The following ADGRL2 variants were observed in gnomAD, a reference collection of about 807,000 sequenced individuals.
ADGRL2 encodes the protein calcium-independent alpha-latrotoxin receptor 2.
A neutral mutation model predicts 157.4 loss-of-function variants in ADGRL2; 44 were observed. The ratio of observed to expected loss-of-function variants is 0.28; its 90% CI spans 0.22 to 0.36. The LOEUF (loss-of-function observed/expected upper bound fraction) is 0.36. ADGRL2 is among the 10% of genes least tolerant of loss of function. The pLI, the probability that ADGRL2 is intolerant of heterozygous loss-of-function variation, is 1.00. For synonymous variants in ADGRL2, 585 were observed against 624.7 expected (o/e 0.94, Z 0.95); for missense variants, 1,510 against 1,768.9 (o/e 0.85, Z 2.63).
At chr1:81,901,832 T>C (rs1311789944) in intron 2 of ADGRL2, among the ~76,000 whole-genome samples, 5 of 152,110 alleles carry the variant, frequency 3.3e-5, no homozygotes, top group African/African-American at 1.2e-4. Context: ...TTCAGGAAAA[T>C]AGTGTAAAAT....
chr1:81,753,395 G>C (rs1322746099), intron 1 of ADGRL2, among the ~76,000 whole-genome samples: 1 of 152,098 alleles, frequency 6.6e-6, no homozygotes, highest in Non-Finnish European at 1.5e-5. Context: ...CCATGATTCA[G>C]TCATCTCCCA....
At chr1:81,388,668 T>A (rs1465841181) in intron 1 of ADGRL2, among the ~76,000 whole-genome samples, 1 of 152,018 alleles carries the variant, frequency 6.6e-6, no homozygotes, top group Non-Finnish European at 1.5e-5. Flanking sequence ...CAGATAGGAG[T>A]AAACGTGTAT....
At chr1:81,888,048 A>G (rs568765406) in intron 2 of ADGRL2, among the ~76,000 whole-genome samples, 1 of 152,292 alleles carries the variant, frequency 6.6e-6, no homozygotes, top group African/African-American at 2.4e-5. Context: ...ATCTTAAAAG[A>G]CCAGGGAAAG....
At chr1:81,477,557 A>C (rs753651039) in intron 2 of ADGRL2, among the ~76,000 whole-genome samples, 10 of 152,214 alleles carry the variant, frequency 6.6e-5, no homozygotes, top group Non-Finnish European at 1.2e-4. Context: ...TTGGATAATG[A>C]GAAAATGTAG....
intron 1 of ADGRL2, chr1:81,306,552 C>G (rs898399625): frequency 2.0e-5 from 3 of 152,116 alleles, no homozygotes; most frequent in Admixed American, 6.6e-5. Flanking sequence ...AATGCCTCCA[C>G]TGTCTGCTCA....
intron 2 of ADGRL2, among the ~76,000 whole-genome samples, chr1:81,837,538 G>A (rs1160358494): frequency 1.3e-5 from 2 of 151,750 alleles, no homozygotes; most frequent in Non-Finnish European, 2.9e-5. Flanking sequence ...GTATATGTGT[G>A]TGTATATGTA....
At chr1:81,455,392 G>T (rs2077783419) in intron 2 of ADGRL2, among the ~76,000 whole-genome samples, 1 of 152,164 alleles carries the variant, frequency 6.6e-6, no homozygotes, top group South Asian at 2.1e-4. Context: ...CTCCAACATT[G>T]TGCTGTGTGG....
intron 2 of ADGRL2, among the ~76,000 whole-genome samples, chr1:81,534,818 G>A (rs950853393): frequency 6.6e-5 from 10 of 152,300 alleles, no homozygotes; most frequent in African/African-American, 2.4e-4. Flanking sequence ...CTATTTGGTG[G>A]CTGGTAAGAA....
intron 2 of ADGRL2, among the ~76,000 whole-genome samples, chr1:81,449,324 G>A (rs1034388038): frequency 7.9e-5 from 12 of 152,218 alleles, no homozygotes; most frequent in Non-Finnish European, 1.8e-4. Flanking sequence ...TCCAGGGTCT[G>A]TGTAATAGGC....
intron 2 of ADGRL2, among the ~76,000 whole-genome samples, chr1:81,785,932 C>T (rs546083338): frequency 1.3e-4 from 19 of 151,754 alleles, no homozygotes; most frequent in African/African-American, 4.6e-4. Flanking sequence ...AATAGAGAGA[C>T]TCTGTCTCTA....
At chr1:81,352,379 C>T (rs779088372) in intron 1 of ADGRL2, among the ~76,000 whole-genome samples, 1 of 152,172 alleles carries the variant, frequency 6.6e-6, no homozygotes, top group African/African-American at 2.4e-5. Flanking sequence ...AATACCCCCA[C>T]CTGATGTATT....
At chr1:81,870,509 T>A (rs1229274596) in intron 2 of ADGRL2, among the ~76,000 whole-genome samples, 1 of 152,096 alleles carries the variant, frequency 6.6e-6, no homozygotes, top group Non-Finnish European at 1.5e-5. Flanking sequence ...ACATTAAAAC[T>A]TCACATTTTG....
intron 2 of ADGRL2, chr1:81,503,307 T>G (rs997774520): frequency 2.9e-5 from 47 of 1,614,008 alleles, no homozygotes; most frequent in Middle Eastern, 3.3e-4. Context: ...CCTACGCAGG[T>G]GTGCTGTTTG....
chr1:81,484,376 A>G (rs1432987614), intron 2 of ADGRL2, among the ~76,000 whole-genome samples: 1 of 152,152 alleles, frequency 6.6e-6, no homozygotes, highest in East Asian at 1.9e-4. Context: ...ATGAACCTCA[A>G]CACAGACCCT....
At chr1:81,694,094 C>T (rs1002707843) in intron 3 of ADGRL2, among the ~76,000 whole-genome samples, 3 of 152,080 alleles carry the variant, frequency 2.0e-5, no homozygotes, top group Admixed American at 2.0e-4. Flanking sequence ...ATATTTTGTA[C>T]TCACTTTGAA....
intron 1 of ADGRL2, among the ~76,000 whole-genome samples, chr1:81,321,936 T>C: frequency 6.6e-6 from 1 of 151,826 alleles, no homozygotes; most frequent in South Asian, 2.1e-4. Context: ...AAATGAGGCA[T>C]GTGTACATTA....
At chr1:81,853,994 C>A (rs2150578033) in intron 2 of ADGRL2, among the ~76,000 whole-genome samples, 1 of 152,062 alleles carries the variant, frequency 6.6e-6, no homozygotes, top group South Asian at 2.1e-4. Context: ...ATCATGTTTT[C>A]TTTTTTTGTC....
intron 2 of ADGRL2, among the ~76,000 whole-genome samples, chr1:81,900,901 C>A (rs1041941091): frequency 1.3e-5 from 2 of 151,548 alleles, no homozygotes; most frequent in Non-Finnish European, 2.9e-5. Flanking sequence ...TATCTAGGAG[C>A]CGAGGCTAAA....
At chr1:81,541,186 A>G (rs1363778681) in intron 2 of ADGRL2, among the ~76,000 whole-genome samples, 1 of 152,220 alleles carries the variant, frequency 6.6e-6, no homozygotes, top group Non-Finnish European at 1.5e-5. Flanking sequence ...TATGTCTTTG[A>G]ATTAACAGAG....
Sources: allele counts gnomAD v4.1 joint callset (sites outside exome capture counted in the v4.1 genomes callset), GRCh38; gene constraint gnomAD v4.1.1; transcripts MANE v1.5; gene names NCBI Gene and HGNC (gene_info 2026-07-23, HGNC 2026-07-21).